EIF2AK4: variants seen among roughly 807,000 people sequenced by gnomAD.
EIF2AK4 encodes eukaryotic translation initiation factor 2 alpha kinase 4, also known as eIF-2-alpha kinase GCN2.
A neutral mutation model predicts 211.1 loss-of-function variants in EIF2AK4; 139 were observed. That is an observed-to-expected ratio of 0.66 (90% CI 0.57 to 0.76). The LOEUF is 0.76. Ranked by LOEUF, EIF2AK4 falls within the 30% of genes least tolerant of loss-of-function variation. The pLI is 0.00. For synonymous variants in EIF2AK4, 710 were observed against 751.3 expected, an observed-to-expected ratio of 0.94 and a Z score of 0.90; for missense variants, 1,664 against 2,043.8, an observed-to-expected ratio of 0.81 and a Z score of 3.58.
intron 6 of EIF2AK4, among the ~76,000 whole-genome samples, chr15:39,958,599 A>G (rs1707120142): frequency 6.6e-6 from 1 of 152,216 alleles, no homozygotes; most frequent in Non-Finnish European, 1.5e-5. Context: ...GGTTGGTTCC[A>G]TGGAGGCATA....
At chr15:39,939,902 A>C (rs1422805641) in intron 2 of EIF2AK4, among the ~76,000 whole-genome samples, 1 of 127,390 alleles carries the variant, frequency 7.8e-6, no homozygotes, top group Non-Finnish European at 1.5e-5. Flanking sequence ...TTTCTTCATA[A>C]GTTAGGAAGA....
intron 2 of EIF2AK4, among the ~76,000 whole-genome samples, chr15:39,942,608 A>C (rs982396989): frequency 6.6e-6 from 1 of 152,160 alleles, no homozygotes; most frequent in Non-Finnish European, 1.5e-5. Flanking sequence ...TTAATCTGAG[A>C]GAGTTGTTAT....
chr15:39,986,021 G>C, intron 14 of EIF2AK4, 133 bp downstream of exon 14: 1 of 750,332 alleles, frequency 1.3e-6, no homozygotes, highest in Non-Finnish European at 2.1e-6. Context: ...TTGGCCGAGA[G>C]GATTACCATA....
chr15:40,030,415 GAGA>G lies in EIF2AK4; in HGVS notation c.4621_4623del (p.Lys1541del). 6.2e-7 allele frequency: 1 copy of G among 1,614,100 alleles called. No homozygotes were observed. The highest frequency in any genetic ancestry group is 8.5e-7 in the Non-Finnish European group (1 of 1,180,020). The stretch of plus-strand genomic sequence containing the variant: ...TCCCATTGTGAGTGTGCTAGCCCCG[GAGA>G]AGCTGTCAGCCAGCACTAGGAGGCG... On this transcript the variant is annotated inframe_deletion, in exon 35 of 39. Coordinates refer to ENST00000263791, the MANE Select transcript of EIF2AK4 (RefSeq NM_001013703.4).
chr15:39,997,046 T>C lies in EIF2AK4; in HGVS notation c.2849T>C (p.Val950Ala). 6.2e-7 allele frequency: 1 copy of C among 1,613,316 alleles called. No individual in the cohort carries two copies. The highest frequency in any genetic ancestry group is 8.5e-7 in the Non-Finnish European group (1 of 1,179,252). ...GTCACGGCTTCAGAAAGGATCTTTG[T>C]TCTCAACCAACTCAGAGATGTATGT... ...PMVTASERIFVLNQLRDPTSP... is the reference protein window; with the variant it reads ...PMVTASERIFALNQLRDPTSP... Residue 950 changes from valine to alanine, a missense_variant, in exon 19 of 39, where the codon GTT becomes GCT. Physicochemically the swap from Val to Ala is moderately conservative, Grantham distance 64 (BLOSUM62 0). Around this residue, in one of 7 missense-constraint regions of EIF2AK4, gnomAD observed 622 missense variants for 796.8 expected, o/e 0.78. Coordinates refer to ENST00000263791, the MANE Select transcript of EIF2AK4 (RefSeq NM_001013703.4).
chr15:40,024,780 G>C (rs554079774), intron 32 of EIF2AK4, among the ~76,000 whole-genome samples: 2 of 149,026 alleles, frequency 1.3e-5, no homozygotes, highest in Non-Finnish European at 3.0e-5. Flanking sequence ...CTATGTTGGA[G>C]TGCAGTGGCG....
intron 15 of EIF2AK4, among the ~76,000 whole-genome samples, chr15:39,989,697 A>G (rs147487118): frequency 8.5e-5 from 13 of 152,362 alleles, no homozygotes; most frequent in African/African-American, 2.9e-4. Context: ...TATTTTCTCT[A>G]TTATAATGCA....
intron 38 of EIF2AK4, 84 bp from the exon 39 acceptor site, chr15:40,034,943 C>G: frequency 9.2e-7 from 1 of 1,085,180 alleles, no homozygotes; most frequent in Non-Finnish European, 1.3e-6. Context: ...AATAAAGCTC[C>G]TACAGGTGTT....
At chr15:39,973,141 A>G in intron 10 of EIF2AK4, 127 bp downstream of exon 10, 1 of 782,902 alleles carries the variant, frequency 1.3e-6, no homozygotes, top group Non-Finnish European at 2.1e-6. Flanking sequence ...AACTAAATCC[A>G]TTAGTTTGAT....
In EIF2AK4 at chr15:39,967,367, C is replaced by A. The variant is rs759553303; in HGVS notation, c.1041C>A (p.Phe347Leu). The A allele has an allele frequency of 6.3e-7, 1 of 1,585,780 alleles. No homozygotes were observed. The highest frequency in any genetic ancestry group is 1.7e-5 in the Admixed American group (1 of 58,972). The part of the protein sequence containing the change: ...KKQIQGTETE[F>L]NSLVKLSHPN... The stretch of plus-strand genomic sequence containing the variant: ...AGATTCAAGGAACAGAAACAGAATT[C>A]AACTCACTGGTAAAATTGAGCCATC... Residue 347 changes from phenylalanine (F) to leucine (L), a missense_variant, in exon 9 of 39, where the codon TTC becomes TTA. Phe to Leu is a conservative substitution (Grantham distance 22, BLOSUM62 0). This residue lies in a region of EIF2AK4 where 641 missense variants were observed against 729.6 expected (regional missense o/e 0.88). Coordinates refer to ENST00000263791, the MANE Select transcript of EIF2AK4 (RefSeq NM_001013703.4).
intron 9 of EIF2AK4, among the ~76,000 whole-genome samples, chr15:39,968,767 G>A (rs2034579425): frequency 6.6e-6 from 1 of 152,024 alleles, no homozygotes; most frequent in South Asian, 2.1e-4. Flanking sequence ...GCAGTAGCCA[G>A]TTGGCCTGGT....
intron 14 of EIF2AK4, among the ~76,000 whole-genome samples, chr15:39,986,310 A>C (rs765943559): frequency 2.0e-5 from 3 of 152,276 alleles, no homozygotes; most frequent in Non-Finnish European, 4.4e-5. Context: ...TGAGCACAGA[A>C]ACTCTACTTT....
intron 18 of EIF2AK4, 136 bp downstream of exon 18, chr15:39,992,984 T>G (rs2034966135): frequency 2.5e-6 from 2 of 796,176 alleles, no homozygotes; most frequent in Admixed American, 2.2e-5. Context: ...CTCATGGTCC[T>G]AAGGATAGTG....
Position 40,034,308 on chromosome 15 carries a change from T to C in EIF2AK4, c.4774-18T>C, listed in dbSNP as rs1442096878. Reference sequence around the variant, plus strand: ...ACCCTAGAGACCTGTTGTTAAGTCTTATCTATTTTTTTCCTAGTGGGATGC... The same window carrying C: ...ACCCTAGAGACCTGTTGTTAAGTCTCATCTATTTTTTTCCTAGTGGGATGC... On this transcript the variant is annotated intron_variant, in intron 37 of 38. Coordinates refer to ENST00000263791, the MANE Select transcript of EIF2AK4 (RefSeq NM_001013703.4). 6.9e-6 allele frequency: 11 copies of C among 1,605,564 alleles called. No homozygotes were observed. The Admixed American group carries it at 1.8e-4, about 27-fold the overall frequency.
chr15:39,985,737 A>G, intron 13 of EIF2AK4, 68 bp from the exon 14 acceptor site: 1 of 1,496,182 alleles, frequency 6.7e-7, no homozygotes. Flanking sequence ...ACAAATACTT[A>G]ATGATGGTGA....
chr15:40,020,349 T>A (rs1451878578), intron 30 of EIF2AK4, among the ~76,000 whole-genome samples: 1 of 150,878 alleles, frequency 6.6e-6, no homozygotes, highest in Non-Finnish European at 1.5e-5. Context: ...AACATTTTTT[T>A]TTTTTTTACT....
Position 40,014,347 on chromosome 15 carries a change from C to T in EIF2AK4, c.3760-2155C>T, listed in dbSNP as rs142628228. On this transcript the variant is annotated intron_variant, in intron 27 of 38. Coordinates refer to ENST00000263791, the MANE Select transcript of EIF2AK4 (RefSeq NM_001013703.4). Reference sequence around the variant, plus strand: ...CCCCACCCCTGCAGCAAACTTCTGCCTGGGCATCCAGGCGTTTCCATACAT... The same window carrying T: ...CCCCACCCCTGCAGCAAACTTCTGCTTGGGCATCCAGGCGTTTCCATACAT... 9.0e-3 allele frequency among the ~76,000 whole-genome samples: 1,369 copies of T among 152,378 alleles called. 22 individuals are homozygous for T. The highest frequency in any genetic ancestry group is 0.032 in the African/African-American group (1,321 of 41,586).
At chr15:40,031,541 A>G (rs187030752) in intron 35 of EIF2AK4, among the ~76,000 whole-genome samples, 23 of 152,164 alleles carry the variant, frequency 1.5e-4, no homozygotes, top group Non-Finnish European at 2.6e-4. Context: ...TTAGCTTCAT[A>G]CTATCATCTC....
At chr15:39,941,712 T>C (rs1283255482) in intron 2 of EIF2AK4, among the ~76,000 whole-genome samples, 3 of 152,204 alleles carry the variant, frequency 2.0e-5, no homozygotes, top group Non-Finnish European at 4.4e-5. Context: ...CTCTTTGTTG[T>C]GGGGTCCTTC....
Sources: allele counts gnomAD v4.1 joint callset (sites outside exome capture counted in the v4.1 genomes callset), GRCh38; gene constraint gnomAD v4.1.1; regional missense constraint gnomAD v4.1.1; transcripts MANE v1.5; gene names NCBI Gene and HGNC (gene_info 2026-07-23, HGNC 2026-07-21).